Variants in GALNTL6 observed in about 807,000 individuals in gnomAD.
The protein encoded by GALNTL6 is polypeptide N-acetylgalactosaminyltransferase-like 6.
In GALNTL6, 46 loss-of-function variants were observed where a neutral mutation model predicts 73.7. The observed-to-expected ratio is 0.62, with a 90% CI of 0.49 to 0.80. The LOEUF (loss-of-function observed/expected upper bound fraction) is 0.80, where lower values mean the gene tolerates loss of function less well. Ranked by LOEUF, GALNTL6 falls within the 30% of genes least tolerant of loss-of-function variation. GALNTL6 has a pLI of 0.00. For synonymous variants in GALNTL6, 259 were observed against 263.7 expected (o/e 0.98, Z 0.17); for missense variants, 604 against 755.0 (o/e 0.80, Z 2.34).
At chr4:172,689,088 G>A (rs1443040392) in intron 5 of GALNTL6, among the ~76,000 whole-genome samples, 1 of 152,142 alleles carries the variant, frequency 6.6e-6, no homozygotes, top group Non-Finnish European at 1.5e-5. Flanking sequence ...AGTGTTAGAA[G>A]TTATATATGC....
chr4:172,164,082 T>C (rs1340109178), intron 2 of GALNTL6, among the ~76,000 whole-genome samples: 4 of 151,760 alleles, frequency 2.6e-5, no homozygotes, highest in African/African-American at 4.8e-5. Flanking sequence ...CAACAGGGAG[T>C]TGATTATCTG....
chr4:172,303,496 C>T (rs760681193), intron 3 of GALNTL6, among the ~76,000 whole-genome samples: 11 of 152,180 alleles, frequency 7.2e-5, no homozygotes, highest in Non-Finnish European at 1.5e-4. Flanking sequence ...GCACTCATCT[C>T]TCAGTATCAT....
At chr4:172,946,358 G>T (rs551529182) in intron 9 of GALNTL6, among the ~76,000 whole-genome samples, 1 of 152,130 alleles carries the variant, frequency 6.6e-6, no homozygotes, top group East Asian at 1.9e-4. Context: ...ACTGAACAGG[G>T]ATTGAATAGT....
chr4:172,780,656 G>A (rs1340083185), intron 5 of GALNTL6, among the ~76,000 whole-genome samples: 1 of 152,180 alleles, frequency 6.6e-6, no homozygotes, highest in African/African-American at 2.4e-5. Context: ...CAGTGTGGAT[G>A]ATGGAAATAT....
intron 5 of GALNTL6, among the ~76,000 whole-genome samples, chr4:172,461,437 A>T (rs1157107450): frequency 6.6e-6 from 1 of 152,204 alleles, no homozygotes; most frequent in African/African-American, 2.4e-5. Context: ...TGTGCAGCTC[A>T]GGCAGGTGAA....
intron 10 of GALNTL6, among the ~76,000 whole-genome samples, chr4:172,967,172 T>C (rs527622530): frequency 6.6e-6 from 1 of 152,264 alleles, no homozygotes; most frequent in Non-Finnish European, 1.5e-5. Flanking sequence ...TCTCTGTTTG[T>C]GTAATTGATA....
At chr4:172,137,247 C>T (rs763294390) in intron 2 of GALNTL6, among the ~76,000 whole-genome samples, 2 of 152,008 alleles carry the variant, frequency 1.3e-5, no homozygotes, top group Non-Finnish European at 2.9e-5. Context: ...TTCTTTTTAA[C>T]TTTGTAAAAG....
rs1448033238 is a variant in GALNTL6 at position 173,009,179 on chromosome 4, T to C, written c.1373T>C (p.Ile458Thr). ...VEPPPAAWGEIRNVAANLCVD... is the reference protein window; with the variant it reads ...VEPPPAAWGETRNVAANLCVD... ...CAAAATTCTTTCTTCTTTCCACAGA[T>C]CCGAAATGTGGCAGCAAATCTCTGT... The change falls in exon 11 of 13, where the codon ATC becomes ACC. Residue 458 changes from isoleucine to threonine, a missense_variant and splice_region_variant. By Grantham distance (89) the Ile-to-Thr change is moderately conservative. This residue lies in a region of GALNTL6 where 261 missense variants were observed against 296.5 expected (regional missense o/e 0.88). Transcript: ENST00000506823. The C allele has an allele frequency of 6.2e-7, 1 of 1,610,944 alleles. No homozygotes were observed. The highest frequency in any genetic ancestry group is 8.5e-7 in the Non-Finnish European group (1 of 1,177,092).
chr4:172,674,415 C>T (rs1732161919), intron 5 of GALNTL6, among the ~76,000 whole-genome samples: 1 of 152,006 alleles, frequency 6.6e-6, no homozygotes, highest in African/African-American at 2.4e-5. Flanking sequence ...TCATTTTGAC[C>T]ATGGAAAATC....
chr4:172,053,429 A>C (rs1382609521), intron 2 of GALNTL6, among the ~76,000 whole-genome samples: 1 of 152,152 alleles, frequency 6.6e-6, no homozygotes, highest in African/African-American at 2.4e-5. Flanking sequence ...GTGAGGATAG[A>C]GGTAGCCATT....
chr4:172,585,013 T>C (rs967141914), intron 5 of GALNTL6, among the ~76,000 whole-genome samples: 2 of 152,028 alleles, frequency 1.3e-5, no homozygotes, highest in African/African-American at 4.8e-5. Context: ...TGTGATGACA[T>C]AAAATGCACT....
rs780976738 is a variant in GALNTL6, at chr4:172,499,709, A to T, written c.553+151020A>T. ...CTTCACCTAACAGTAAAGAGTTCTC[A>T]TGCAACAAATGAAAATACAGAAAAT... On this transcript the variant is annotated intron_variant, in intron 5 of 12. Transcript: ENST00000506823. Among the ~76,000 whole-genome samples the T allele has an allele frequency of 3.0e-4, 46 of 152,334 alleles. 1 individual carries two copies. Among genetic ancestry groups the T allele is most frequent in the Middle Eastern group, 3.4e-3 (1 of 294 alleles).
chr4:172,552,520 T>C (rs1735989928), intron 5 of GALNTL6, among the ~76,000 whole-genome samples: 1 of 152,112 alleles, frequency 6.6e-6, no homozygotes, highest in African/African-American at 2.4e-5. Context: ...GAAACCAATG[T>C]TTGTTTTGCT....
chr4:171,876,506 G>C (rs1736282338), intron 2 of GALNTL6, among the ~76,000 whole-genome samples: 1 of 152,126 alleles, frequency 6.6e-6, no homozygotes, highest in Non-Finnish European at 1.5e-5. Context: ...TTAGTTTTAA[G>C]AGTTGAAGTA....
chr4:172,737,010 C>T (rs1736508854), intron 5 of GALNTL6, among the ~76,000 whole-genome samples: 1 of 152,168 alleles, frequency 6.6e-6, no homozygotes, highest in Non-Finnish European at 1.5e-5. Context: ...AATGTGAGTC[C>T]ATTAAACCTC....
At chr4:171,909,649 C>T (rs538042373) in intron 2 of GALNTL6, among the ~76,000 whole-genome samples, 10 of 152,032 alleles carry the variant, frequency 6.6e-5, no homozygotes, top group Non-Finnish European at 1.5e-4. Context: ...ATATTTGACT[C>T]GAAAGTTTGC....
At chr4:172,876,778 T>C (rs891162295) in intron 7 of GALNTL6, among the ~76,000 whole-genome samples, 2 of 152,232 alleles carry the variant, frequency 1.3e-5, no homozygotes, top group Non-Finnish European at 2.9e-5. Context: ...ATGTAAGCAA[T>C]GCTTTCATAC....
chr4:172,766,397 T>C (rs910000813), intron 5 of GALNTL6, among the ~76,000 whole-genome samples: 3 of 152,146 alleles, frequency 2.0e-5, no homozygotes, highest in African/African-American at 7.2e-5. Flanking sequence ...CTTTTTCCCT[T>C]TTGTGGCTCC....
intron 5 of GALNTL6, among the ~76,000 whole-genome samples, chr4:172,759,282 G>T (rs79011192): frequency 0.016 from 2,408 of 152,306 alleles, 52 homozygotes; most frequent in African/African-American, 0.054. Flanking sequence ...ATTCTCCTTT[G>T]GGTGCATGGT....
Sources: allele counts gnomAD v4.1 joint callset (sites outside exome capture counted in the v4.1 genomes callset), GRCh38; gene constraint gnomAD v4.1.1; regional missense constraint gnomAD v4.1.1; transcripts MANE v1.5; gene names NCBI Gene and HGNC (gene_info 2026-07-23, HGNC 2026-07-21).